Variants in CDH8 observed in about 807,000 individuals in gnomAD.
The protein encoded by CDH8 is cadherin-8.
Under a neutral mutation model 68.1 loss-of-function variants are expected in CDH8, and 17 were observed. The ratio of observed to expected loss-of-function variants is 0.25; its 90% CI spans 0.17 to 0.37. The LOEUF is 0.37. CDH8 is among the 10% of genes least tolerant of loss of function. The probability of loss-of-function intolerance (pLI) is 1.00; values close to 1 mark genes in which losing one functional copy is unlikely to be tolerated. For synonymous variants in CDH8, 372 were observed against 365.1 expected (o/e 1.02, Z -0.21); for missense variants, 763 against 999.3 (o/e 0.76, Z 3.19).
chr16:61,879,189 T>TA (rs1045460599), intron 3 of CDH8, among the ~76,000 whole-genome samples: 3 of 151,696 alleles, frequency 2.0e-5, no homozygotes, highest in East Asian at 1.9e-4. Context: ...GACAACAATT[T>TA]AAAAAAAATT....
chr16:61,674,013 T>G (rs1453823827), intron 10 of CDH8, among the ~76,000 whole-genome samples: 2 of 152,140 alleles, frequency 1.3e-5, no homozygotes, highest in African/African-American at 2.4e-5. Context: ...TGTGGAAATA[T>G]ATGTTGAATG....
intron 4 of CDH8, among the ~76,000 whole-genome samples, chr16:61,827,678 G>GTTGTTTAGC (rs1342697896): frequency 5.9e-5 from 9 of 151,900 alleles, no homozygotes; most frequent in Non-Finnish European, 2.9e-5. Context: ...AATAGGACAA[G>GTTGTTTAGC]AAATGCTCCA....
At chr16:62,015,534 G>A (rs1901915375) in intron 2 of CDH8, among the ~76,000 whole-genome samples, 1 of 152,126 alleles carries the variant, frequency 6.6e-6, no homozygotes, top group Non-Finnish European at 1.5e-5. Flanking sequence ...TTACTTTGTA[G>A]TAGAATTAAA....
chr16:61,864,167 G>C (rs1963206927), intron 3 of CDH8, among the ~76,000 whole-genome samples: 1 of 152,140 alleles, frequency 6.6e-6, no homozygotes, highest in African/African-American at 2.4e-5. Context: ...TGTTTTAAAT[G>C]TGTCAGACAG....
intron 3 of CDH8, among the ~76,000 whole-genome samples, chr16:61,899,235 T>C (rs896175693): frequency 3.3e-5 from 5 of 152,180 alleles, no homozygotes; most frequent in African/African-American, 1.2e-4. Flanking sequence ...AGTGTTTTGT[T>C]TTCTGTTCCT....
At chr16:61,957,652 C>G (rs1266805539) in intron 2 of CDH8, among the ~76,000 whole-genome samples, 5 of 152,160 alleles carry the variant, frequency 3.3e-5, no homozygotes, top group Non-Finnish European at 1.5e-5. Context: ...TGACTCTGTT[C>G]CAGCCACACA....
chr16:61,677,416 A>G (rs1963934637), intron 10 of CDH8, among the ~76,000 whole-genome samples: 1 of 151,886 alleles, frequency 6.6e-6, no homozygotes, highest in African/African-American at 2.4e-5. Context: ...GGCTCCATTT[A>G]CTTTACACCA....
intron 8 of CDH8, among the ~76,000 whole-genome samples, chr16:61,739,759 GAAAAA>G (rs1959808211): frequency 7.1e-6 from 1 of 140,156 alleles, no homozygotes; most frequent in Admixed American, 7.2e-5. Flanking sequence ...GAAAAGAAAA[GAAAAA>G]CAAACAAACA....
At chr16:61,890,807 T>G in intron 3 of CDH8, among the ~76,000 whole-genome samples, 1 of 152,256 alleles carries the variant, frequency 6.6e-6, no homozygotes, top group East Asian at 1.9e-4. Context: ...AGAATTCATC[T>G]TCTAGAAATA....
chr16:62,025,840 A>G (rs985129055), intron 1 of CDH8, among the ~76,000 whole-genome samples: 6 of 151,886 alleles, frequency 4.0e-5, no homozygotes, highest in Non-Finnish European at 8.8e-5. Flanking sequence ...ACATACACAG[A>G]TATATACATA....
intron 4 of CDH8, among the ~76,000 whole-genome samples, chr16:61,852,317 G>T (rs141638716): frequency 2.6e-5 from 4 of 152,150 alleles, no homozygotes; most frequent in African/African-American, 9.6e-5. Flanking sequence ...AAACCTAAAA[G>T]ACTGTATATA....
At chr16:62,000,157 T>A (rs1443362694) in intron 2 of CDH8, among the ~76,000 whole-genome samples, 1 of 152,162 alleles carries the variant, frequency 6.6e-6, no homozygotes, top group Non-Finnish European at 1.5e-5. Context: ...TTTTTTAGTA[T>A]TCCATGGTAT....
chr16:61,852,826 C>T (rs1962963159), intron 4 of CDH8, among the ~76,000 whole-genome samples: 1 of 151,606 alleles, frequency 6.6e-6, no homozygotes, highest in Admixed American at 6.6e-5. Context: ...CCCGGCCTTC[C>T]CTTCCTCCAG....
At chr16:62,002,361 A>T in intron 2 of CDH8, among the ~76,000 whole-genome samples, 1 of 152,178 alleles carries the variant, frequency 6.6e-6, no homozygotes, top group East Asian at 1.9e-4. Context: ...AGGCAAATAT[A>T]TTTACCTTCG....
Position 62,019,787 on chromosome 16 carries a change from A to C in CDH8, c.252+1365T>G, listed in dbSNP as rs550221677. On this transcript the variant is annotated intron_variant, in intron 2 of 11. Coordinates refer to ENST00000577390, the MANE Select transcript of CDH8 (RefSeq NM_001796.5). ...TATTTGTATCCATACATGCAAATGAACATATATATGCATATACTGAAGGGG... is the reference window on the plus strand; with the variant it reads ...TATTTGTATCCATACATGCAAATGACCATATATATGCATATACTGAAGGGG... 2.0e-5 allele frequency among the ~76,000 whole-genome samples: 3 copies of C among 152,314 alleles called. No individual in the cohort carries two copies. The East Asian group carries it at 5.8e-4, about 29-fold the overall frequency.
intron 4 of CDH8, among the ~76,000 whole-genome samples, chr16:61,845,995 A>C (rs1962799074): frequency 1.3e-5 from 2 of 152,124 alleles, no homozygotes; most frequent in South Asian, 4.1e-4. Flanking sequence ...ACTTAAACTC[A>C]AAATTACTTT....
chr16:61,836,425 A>T (rs1489445621), intron 4 of CDH8, among the ~76,000 whole-genome samples: 1 of 152,048 alleles, frequency 6.6e-6, no homozygotes, highest in Non-Finnish European at 1.5e-5. Context: ...TAAACGCATG[A>T]TAAAATATTT....
intron 7 of CDH8, among the ~76,000 whole-genome samples, chr16:61,797,308 C>T (rs1167720289): frequency 6.6e-6 from 1 of 151,974 alleles, no homozygotes. Context: ...TTTTGAATGT[C>T]GTGGATCTTT....
intron 3 of CDH8, among the ~76,000 whole-genome samples, chr16:61,885,515 G>A (rs1333037011): frequency 1.3e-5 from 2 of 152,222 alleles, no homozygotes; most frequent in East Asian, 3.9e-4. Flanking sequence ...CTTTCACAAG[G>A]CACTTAAATA....
Sources: allele counts gnomAD v4.1 joint callset (sites outside exome capture counted in the v4.1 genomes callset), GRCh38; gene constraint gnomAD v4.1.1; transcripts MANE v1.5; gene names NCBI Gene and HGNC (gene_info 2026-07-23, HGNC 2026-07-21).